TRAF1: variants seen among roughly 807,000 people sequenced by gnomAD.
TRAF1 encodes the protein TNF receptor-associated factor 1.
A neutral mutation model predicts 40.9 loss-of-function variants in TRAF1; 23 were observed. That is an observed-to-expected ratio of 0.56 (90% CI 0.40 to 0.80). TRAF1 has a LOEUF of 0.80. TRAF1 is among the 30% of genes least tolerant of loss of function. The probability of loss-of-function intolerance (pLI) is 0.00; values close to 1 mark genes in which losing one functional copy is unlikely to be tolerated. For synonymous variants in TRAF1, 206 were observed against 218.8 expected, an observed-to-expected ratio of 0.94 and a Z score of 0.52; for missense variants, 477 against 528.7, an observed-to-expected ratio of 0.90 and a Z score of 0.96.
At chr9:120,917,507 C>T (rs1008814704) in intron 3 of TRAF1, among the ~76,000 whole-genome samples, 3 of 152,156 alleles carry the variant, frequency 2.0e-5, no homozygotes, top group Non-Finnish European at 4.4e-5. Context: ...TATTAGTTAC[C>T]CATTGCTGCT....
intron 3 of TRAF1, among the ~76,000 whole-genome samples, chr9:120,919,350 C>T (rs548525562): frequency 3.3e-5 from 5 of 152,314 alleles, no homozygotes; most frequent in Non-Finnish European, 5.9e-5. Flanking sequence ...GTGGTGTTTC[C>T]GGCCACCCTG....
At position 120,913,433 on chromosome 9, in the gene TRAF1, A is replaced by G. The variant is rs370519129; in HGVS notation, c.600T>C (p.Ile200=). 1.1e-5 allele frequency: 18 copies of G among 1,613,970 alleles called. No homozygotes were observed. The highest frequency in any genetic ancestry group is 1.4e-5 in the Non-Finnish European group (17 of 1,180,022). Residue 200 remains isoleucine (I), a synonymous_variant, in exon 5 of 8, where the codon ATT becomes ATC. Transcript: ENST00000373887. ...LEGKLRVFEN[I]VAVLNKEVEA... ...CCACCTCCTTGTTGAGGACAGCAAC[A>G]ATGTTCTCAAACACACGCAGCTTCC... is the stretch of plus-strand genomic sequence containing the variant.
intron 3 of TRAF1, among the ~76,000 whole-genome samples, chr9:120,919,261 G>C (rs1251707606): frequency 2.0e-5 from 3 of 152,200 alleles, no homozygotes; most frequent in African/African-American, 7.2e-5. Flanking sequence ...CCGAGGAGGA[G>C]ACAGAAACAG....
chr9:120,914,101 A>C, intron 4 of TRAF1, 134 bp downstream of exon 4: 1 of 739,098 alleles, frequency 1.4e-6, no homozygotes, highest in Non-Finnish European at 2.0e-6. Context: ...GATGCTTGGG[A>C]AAGTCATTAG....
At chr9:120,905,262 G>T in intron 7 of TRAF1, 24 bp from the exon 8 acceptor site, 1 of 1,582,982 alleles carries the variant, frequency 6.3e-7, no homozygotes. Context: ...ATAGGTGGGA[G>T]ATCAGGCCCT....
At position 120,913,722 on chromosome 9, in the gene TRAF1, A is replaced by G. The variant is rs757046682; in HGVS notation, c.311T>C (p.Val104Ala). The G allele has an allele frequency of 1.9e-6, 3 of 1,579,682 alleles. No individual in the cohort carries two copies. In the South Asian group the frequency reaches 3.4e-5, roughly 18 times the overall value. The change falls in exon 5 of 8, where the codon GTG (valine) becomes GCG (alanine). Residue 104 changes from valine to alanine, a missense_variant. Val to Ala is a moderately conservative substitution (Grantham distance 64). Coordinates refer to ENST00000373887, the MANE Select transcript of TRAF1 (RefSeq NM_005658.5). ...GCSFKGSPQS[V>A]QEHEVTSQTS... The stretch of plus-strand genomic sequence containing the variant: ...CTGGGAGGTGACCTCATGCTCTTGC[A>G]CAGACTGTGGGCTTCCCTGACAAGA...
chr9:120,913,807 C>T (rs954285325), intron 4 of TRAF1, 69 bp from the exon 5 acceptor site: 20 of 1,477,104 alleles, frequency 1.4e-5, no homozygotes, highest in Non-Finnish European at 1.7e-5. Flanking sequence ...GTGGAGTGCC[C>T]TGCTATCAAA....
At chr9:120,920,521 G>A (rs1564121031) in intron 3 of TRAF1, among the ~76,000 whole-genome samples, 1 of 152,126 alleles carries the variant, frequency 6.6e-6, no homozygotes, top group Non-Finnish European at 1.5e-5. Context: ...ATGGGCCTCA[G>A]GGGGAGGGGG....
At chr9:120,928,855 G>C (rs1193770073), upstream of TRAF1, 1 of 152,286 alleles carries the variant, frequency 6.6e-6, no homozygotes, top group Non-Finnish European at 1.5e-5. Flanking sequence ...CACATATCCA[G>C]TTGCGAGGGC....
chr9:120,922,825 T>C lies in TRAF1; in HGVS notation c.228+880A>G, dbSNP rs540263879. On this transcript the variant is annotated intron_variant, in intron 3 of 7. Transcript: ENST00000373887. The stretch of plus-strand genomic sequence containing the variant: ...AGTACTCAATTTTATATAATTTTCA[T>C]GTGTCCCAAAATATCTTTTTTTGTT... Among the ~76,000 whole-genome samples the C allele has an allele frequency of 1.1e-4, 16 of 152,330 alleles. No homozygotes were observed. In the East Asian group the frequency reaches 2.5e-3, roughly 24 times the overall value.
At chr9:120,906,172 T>TG (rs1277630270) in intron 7 of TRAF1, among the ~76,000 whole-genome samples, 99 of 116,124 alleles carry the variant, frequency 8.5e-4, no homozygotes, top group Admixed American at 1.4e-3. Context: ...AATTATGGTG[T>TG]GTTTTTTTTT....
intron 3 of TRAF1, among the ~76,000 whole-genome samples, chr9:120,923,328 G>A (rs1450144136): frequency 1.3e-5 from 2 of 152,232 alleles, no homozygotes; most frequent in Non-Finnish European, 2.9e-5. Flanking sequence ...CAGTGAGAGA[G>A]TGGCCTCACA....
intron 3 of TRAF1, among the ~76,000 whole-genome samples, chr9:120,921,633 C>T (rs2046606149): frequency 6.6e-6 from 1 of 151,884 alleles, no homozygotes; most frequent in East Asian, 1.9e-4. Flanking sequence ...CAGGGAGTTA[C>T]TCCACGGAGC....
At chr9:120,918,830 C>T (rs1174406613) in intron 3 of TRAF1, among the ~76,000 whole-genome samples, 1 of 152,234 alleles carries the variant, frequency 6.6e-6, no homozygotes, top group Non-Finnish European at 1.5e-5. Context: ...CAGTTGTGAG[C>T]CCCTGCATGG....
chr9:120,916,467 T>C (rs1478977691), intron 3 of TRAF1, among the ~76,000 whole-genome samples: 1 of 152,168 alleles, frequency 6.6e-6, no homozygotes, highest in African/African-American at 2.4e-5. Context: ...AAGCGCTTTG[T>C]TATTTATTTA....
intron 7 of TRAF1, among the ~76,000 whole-genome samples, chr9:120,905,859 G>A (rs1000899712): frequency 6.6e-6 from 1 of 152,166 alleles, no homozygotes; most frequent in Non-Finnish European, 1.5e-5. Context: ...ATGGCTTCCC[G>A]TTGCCAACTG....
chr9:120,921,696 T>C (rs2046606570), intron 3 of TRAF1, among the ~76,000 whole-genome samples: 3 of 151,946 alleles, frequency 2.0e-5, no homozygotes, highest in South Asian at 4.2e-4. Flanking sequence ...TCCAAGAACA[T>C]GCATTTGGTC....
chr9:120,907,218 T>C (rs7848332), intron 7 of TRAF1, among the ~76,000 whole-genome samples: 104,442 of 152,084 alleles, frequency 0.69, 36,147 homozygotes, highest in South Asian at 0.82. Context: ...ATTCAGAACA[T>C]AGTCTTTTCA....
rs1010023920 is a variant in TRAF1 at position 120,905,050 on chromosome 9, G to A, written c.1221C>T (p.Phe407=). The change falls in exon 8 of 8, where the codon TTC becomes TTT. Residue 407 remains phenylalanine, a synonymous_variant. Coordinates refer to ENST00000373887, the MANE Select transcript of TRAF1 (RefSeq NM_005658.5). The part of the protein sequence containing the change: ...KHAYVKDDTM[F]LKCIVETST ...TGCTGGTCTCCACAATGCACTTGAG[G>A]AACATTGTGTCGTCCTTCACGTAGG... The A allele has an allele frequency of 1.2e-6, 2 of 1,614,078 alleles. No homozygotes were observed. The highest frequency in any genetic ancestry group is 2.7e-5 in the African/African-American group (2 of 74,946).
Sources: allele counts gnomAD v4.1 joint callset (sites outside exome capture counted in the v4.1 genomes callset), GRCh38; gene constraint gnomAD v4.1.1; transcripts MANE v1.5; gene names NCBI Gene and HGNC (gene_info 2026-07-23, HGNC 2026-07-21).